The following SPIRE2 variants were observed in gnomAD, a reference collection of about 807,000 sequenced individuals.
SPIRE2 encodes the protein spire type actin nucleation factor 2, also known as protein spire homolog 2.
SPIRE2 carries 76 observed loss-of-function variants against 80.7 expected under a neutral mutation model. The observed-to-expected ratio is 0.94, with a 90% CI of 0.78 to 1.14. SPIRE2 has a LOEUF of 1.14. SPIRE2 is among the 50% of genes most tolerant of loss of function. SPIRE2 has a pLI of 0.00. For missense variants in SPIRE2, 1,196 were observed against 1,015.3 expected (o/e 1.18, Z -2.42); for synonymous variants, 535 against 432.6 (o/e 1.24, Z -2.94).
rs760018809 is a variant in SPIRE2 at position 89,863,505 on chromosome 16, G to T, written c.1605G>T (p.Ala535=). 6 of 1,614,052 alleles carry T rather than the reference G, an allele frequency of 3.7e-6. 1 individual carries two copies. The South Asian group carries it at 5.5e-5, about 15-fold the overall frequency. The change falls in exon 11 of 15, where the codon GCG becomes GCT. Residue 535 remains alanine (A), a synonymous_variant. Coordinates refer to ENST00000378247, the MANE Select transcript of SPIRE2 (RefSeq NM_032451.2). The surrounding 1 kb of genome is among the most constrained non-coding windows in gnomAD (Gnocchi z 4.3). ...LEFSHPVESL[A]LTVEEVMDVR... ...TCAGCCACCCCGTGGAGAGCCTGGCGCTGACTGTGGAAGAGGTGATGGACG... is the reference window on the plus strand; with the variant it reads ...TCAGCCACCCCGTGGAGAGCCTGGCTCTGACTGTGGAAGAGGTGATGGACG...
intron 1 of SPIRE2, among the ~76,000 whole-genome samples, chr16:89,839,616 A>T (rs2041484751): frequency 3.3e-5 from 5 of 152,264 alleles, no homozygotes; most frequent in African/African-American, 1.2e-4. Context: ...AAACCCCTGG[A>T]GGCGGGAGAG....
chr16:89,845,305 T>A lies in SPIRE2; in HGVS notation c.245-17T>A. 6.2e-7 allele frequency: 1 copy of A among 1,613,674 alleles called. No homozygotes were observed. Among genetic ancestry groups the A allele is most frequent in the Non-Finnish European group, 8.5e-7 (1 of 1,179,706 alleles). On this transcript the variant is annotated splice_polypyrimidine_tract_variant and intron_variant, in intron 1 of 14. Transcript: ENST00000378247. ...CGGGGATGCTGACAAATAACTTAAC[T>A]CCCTCTTCTCTTACAGAACCTGCAA...
At chr16:89,838,121 T>A (rs2041468301) in intron 1 of SPIRE2, among the ~76,000 whole-genome samples, 1 of 148,040 alleles carries the variant, frequency 6.8e-6, no homozygotes, top group East Asian at 2.0e-4. Flanking sequence ...CACCTCAGCC[T>A]CCAGAGTAAC....
At chr16:89,836,917 C>G (rs1369558889) in intron 1 of SPIRE2, among the ~76,000 whole-genome samples, 1 of 151,868 alleles carries the variant, frequency 6.6e-6, no homozygotes, top group Non-Finnish European at 1.5e-5. Context: ...ATCGCTTGAA[C>G]CTGGGAGGCG....
At chr16:89,839,080 G>A (rs1159282374) in intron 1 of SPIRE2, among the ~76,000 whole-genome samples, 1 of 151,448 alleles carries the variant, frequency 6.6e-6, no homozygotes, top group Non-Finnish European at 1.5e-5. Context: ...TGTGGCTCAC[G>A]CCTGTAATCC....
At position 89,850,592 on chromosome 16, in the gene SPIRE2, TGCCGCGCGCTCTTCGTG is replaced by T; in HGVS notation, c.579_595del (p.Cys193Ter). The T allele has an allele frequency of 6.6e-7, 1 of 1,518,188 alleles. No individual in the cohort carries two copies. The highest frequency in any genetic ancestry group is 1.2e-5 in the South Asian group (1 of 81,662). 94.0% of individuals were successfully genotyped at this position (1,518,188 alleles called of 1,614,324 possible). A position where few individuals can be genotyped will look rare whatever the true frequency, so the allele number is the denominator to read the frequency against. On this transcript the variant is annotated frameshift_variant, in exon 3 of 15. Transcript: ENST00000378247. LOFTEE classifies it high-confidence loss of function. Reference sequence around the variant, plus strand: ...CGCACAGGCGCATTACCAGGCCGTGTGCCGCGCGCTCTTCGTGGAGACGCTGGAGCTGCGGGCCTTCC... The same window carrying T: ...CGCACAGGCGCATTACCAGGCCGTGTGAGACGCTGGAGCTGCGGGCCTTCC...
intron 13 of SPIRE2, 37 bp from the exon 14 acceptor site, chr16:89,869,530 T>C: frequency 1.4e-6 from 2 of 1,411,472 alleles, no homozygotes; most frequent in Non-Finnish European, 2.0e-6. Context: ...ATGTCTCTGG[T>C]GGTGCCTGGT....
At chr16:89,836,898 G>C (rs1217891174) in intron 1 of SPIRE2, among the ~76,000 whole-genome samples, 1 of 152,132 alleles carries the variant, frequency 6.6e-6, no homozygotes, top group Non-Finnish European at 1.5e-5. Flanking sequence ...AGGAGGATGA[G>C]GCAGGAGAAT....
Position 89,830,193 on chromosome 16 carries a change from G to A in SPIRE2, c.244+1399G>A, listed in dbSNP as rs562815418. 1.2e-3 allele frequency among the ~76,000 whole-genome samples: 184 copies of A among 151,312 alleles called. 11 individuals carry two copies. Among genetic ancestry groups the A allele is most frequent in the Middle Eastern group, 3.4e-3 (1 of 294 alleles). ...CTGTGCAAGGCGTCCTCAGAGCAGT[G>A]ATCTGATTCTCTCCACCTCCATCCC... On this transcript the variant is annotated intron_variant, in intron 1 of 14. Transcript: ENST00000378247.
intron 3 of SPIRE2, among the ~76,000 whole-genome samples, chr16:89,851,440 C>T (rs2041626849): frequency 6.6e-6 from 1 of 152,148 alleles, no homozygotes; most frequent in Non-Finnish European, 1.5e-5. Flanking sequence ...ACAACCCAGC[C>T]TCATTCTCCT....
chr16:89,858,608 G>A lies in SPIRE2; in HGVS notation c.1272+101G>A, dbSNP rs187136002. The A allele has an allele frequency of 6.6e-4, 776 of 1,178,924 alleles. 3 individuals carry two copies. The highest frequency in any genetic ancestry group is 8.9e-4 in the Admixed American group (30 of 33,654). 73.0% of individuals were successfully genotyped at this position (1,178,924 alleles called of 1,614,324 possible). On this transcript the variant is annotated intron_variant, in intron 8 of 14. Coordinates refer to ENST00000378247, the MANE Select transcript of SPIRE2 (RefSeq NM_032451.2). ...CTAAGCCGGGGGCAGCAGCAATTGCGGTGTCTCCTGTCCAGGAGCCCTCCC... is the reference window on the plus strand; with the variant it reads ...CTAAGCCGGGGGCAGCAGCAATTGCAGTGTCTCCTGTCCAGGAGCCCTCCC...
intron 1 of SPIRE2, among the ~76,000 whole-genome samples, chr16:89,835,780 C>T (rs2041442693): frequency 6.6e-6 from 1 of 152,192 alleles, no homozygotes; most frequent in Non-Finnish European, 1.5e-5. Flanking sequence ...GGCCCAGCCT[C>T]GCCTGGCTTC....
chr16:89,841,915 G>T (rs1208950437), intron 1 of SPIRE2, among the ~76,000 whole-genome samples: 1 of 151,408 alleles, frequency 6.6e-6, no homozygotes, highest in Non-Finnish European at 1.5e-5. Context: ...TTTAGGAGAG[G>T]TGGGGTTTCT....
chr16:89,835,930 T>G (rs893445974), intron 1 of SPIRE2, among the ~76,000 whole-genome samples: 2 of 152,078 alleles, frequency 1.3e-5, no homozygotes, highest in African/African-American at 4.8e-5. Flanking sequence ...ATCCCAGCAC[T>G]TTGGGAGGCT....
chr16:89,850,244 G>A (rs753689518), intron 2 of SPIRE2, 60 bp from the exon 3 acceptor site: 3 of 1,474,746 alleles, frequency 2.0e-6, no homozygotes, highest in Admixed American at 1.8e-5. Flanking sequence ...CCCACCAGCC[G>A]CGTTCTCCCC....
chr16:89,863,303 C>T lies in SPIRE2; in HGVS notation c.1576-173C>T, dbSNP rs2041760180. The T allele has an allele frequency of 5.7e-6, 4 of 706,496 alleles. No homozygotes were observed. The highest frequency in any genetic ancestry group is 6.9e-6 in the Non-Finnish European group (3 of 434,486). The allele number at this position is 706,496 out of a possible 1,614,324, so 43.8% of individuals were successfully genotyped here. A position where few individuals can be genotyped will look rare whatever the true frequency, so the allele number is the denominator to read the frequency against. On this transcript the variant is annotated intron_variant, in intron 10 of 14. Transcript: ENST00000378247. This position sits in a 1 kb window ranked among gnomAD's most constrained non-coding sequence, Gnocchi z 4.3. Reference sequence around the variant, plus strand: ...AGGCCTGGCCTGCAGCAGCAGGGCCCATCAAAGACATGGGGATGGATGGCT... The same window carrying T: ...AGGCCTGGCCTGCAGCAGCAGGGCCTATCAAAGACATGGGGATGGATGGCT...
In SPIRE2 at chr16:89,850,288, C is replaced by T. The variant is rs199553363; in HGVS notation, c.289-16C>T. 3.3e-5 allele frequency: 53 copies of T among 1,598,202 alleles called. No individual in the cohort carries two copies. The highest frequency in any genetic ancestry group is 4.2e-5 in the Non-Finnish European group (49 of 1,176,040). On this transcript the variant is annotated splice_polypyrimidine_tract_variant and intron_variant, in intron 2 of 14. Coordinates refer to ENST00000378247, the MANE Select transcript of SPIRE2 (RefSeq NM_032451.2). The stretch of plus-strand genomic sequence containing the variant: ...CCCCTGCAGTACCGCCCAGTGACCG[C>T]GCCCCTGTCCCGCAGACCGTGCAGT...
At chr16:89,857,396 G>A (rs35040308) in intron 7 of SPIRE2, among the ~76,000 whole-genome samples, 1,820 of 152,008 alleles carry the variant, frequency 0.012, 25 homozygotes, top group South Asian at 0.069. Flanking sequence ...TCAGCTTCCC[G>A]AAGTGCTGGG....
chr16:89,835,246 T>C (rs537880127), intron 1 of SPIRE2, among the ~76,000 whole-genome samples: 1 of 144,194 alleles, frequency 6.9e-6, no homozygotes, highest in East Asian at 1.9e-4. Flanking sequence ...TGGATAAGCA[T>C]AGCCCGTGTG....
Sources: gnomAD v4.1 joint callset for allele counts (sites outside exome capture counted in the v4.1 genomes callset) on GRCh38, gnomAD v4.1.1 for gene constraint, Gnocchi (gnomAD v3.1) non-coding constraint, MANE v1.5 for transcripts, NCBI Gene and HGNC (gene_info 2026-07-23, HGNC 2026-07-21) for gene names.